DMD: variants seen among roughly 807,000 people sequenced by gnomAD.
DMD encodes the protein mutant dystrophin.
A neutral mutation model predicts 330.1 loss-of-function variants in DMD; 63 were observed. That is an observed-to-expected ratio of 0.19 (90% CI 0.16 to 0.24). DMD has a LOEUF of 0.24. Among genes scored for constraint, DMD ranks in the 10% least tolerant of loss-of-function variants. DMD has a pLI of 1.00. For missense variants in DMD, 3,344 were observed against 2,684.1 expected (o/e 1.25, Z -5.43); for synonymous variants, 1,223 against 959.8 (o/e 1.27, Z -5.07).
chrX:32,517,973 A>G, intron 18 of DMD, 35 bp downstream of exon 18: 1 of 1,201,742 alleles, frequency 8.3e-7, no homozygotes, highest in Non-Finnish European at 1.1e-6. Context: ...GCAGCACAAA[A>G]TGAGTACAGA....
At chrX:33,333,276 T>C (rs1400795089) in intron 1 of DMD, among the ~76,000 whole-genome samples, 2 of 111,629 alleles carry the variant, frequency 1.8e-5, no homozygotes, top group Non-Finnish European at 3.8e-5. Flanking sequence ...CATTCAGAGA[T>C]ATATTAAGAG....
rs201477815 is a variant in DMD at position 31,576,759 on chromosome X, G to GT, written c.8217+50913dup. 3.6e-3 allele frequency among the ~76,000 whole-genome samples: 374 copies of GT among 103,662 alleles called. 8 individuals are homozygous for GT. The highest frequency in any genetic ancestry group is 0.012 in the African/African-American group (357 of 29,253). 90.0% of individuals were successfully genotyped at this position (103,662 alleles called of 115,157 possible). ...TTTTCAAGTAAAAATATATGAGGTT[G>GT]TTTTTTTTTGACAGAGTCTCACTCT... On this transcript the variant is annotated intron_variant, in intron 55 of 78. Coordinates refer to ENST00000357033, the MANE Select transcript of DMD (RefSeq NM_004006.3).
intron 44 of DMD, chrX:32,206,462 C>G: frequency 3.7e-6 from 2 of 537,354 alleles, no homozygotes; most frequent in Admixed American, 2.3e-5. Flanking sequence ...ATACTCCAGC[C>G]AAAAATGCAC....
At chrX:32,201,474 C>G (rs1259942315) in intron 44 of DMD, among the ~76,000 whole-genome samples, 3 of 88,038 alleles carry the variant, frequency 3.4e-5, no homozygotes, top group African/African-American at 4.6e-5. Flanking sequence ...CAAACACCCC[C>G]CCCCCCCCCA....
chrX:31,839,240 G>T (rs2093266531), intron 48 of DMD, among the ~76,000 whole-genome samples: 1 of 112,002 alleles, frequency 8.9e-6, no homozygotes, highest in African/African-American at 3.2e-5. Flanking sequence ...CACATTATGT[G>T]TATATGTATA....
At chrX:32,736,737 AG>A (rs2068547311) in intron 7 of DMD, among the ~76,000 whole-genome samples, 1 of 88,342 alleles carries the variant, frequency 1.1e-5, no homozygotes, top group African/African-American at 4.4e-5. Context: ...GGACACAGGA[AG>A]GGGAACACCA....
At chrX:32,589,010 G>A (rs940428910) in intron 13 of DMD, among the ~76,000 whole-genome samples, 1 of 111,705 alleles carries the variant, frequency 9.0e-6, no homozygotes, top group African/African-American at 3.3e-5. Flanking sequence ...AAGATAATTA[G>A]AAGAAAATGG....
chrX:32,408,905 T>C (rs865814977), intron 30 of DMD, among the ~76,000 whole-genome samples: 98 of 104,855 alleles, frequency 9.3e-4, no homozygotes, highest in African/African-American at 3.3e-3. Flanking sequence ...TCTATCTATC[T>C]ATCTATCCAT....
chrX:32,268,245 C>T (rs1026297353), intron 43 of DMD, among the ~76,000 whole-genome samples: 4 of 111,474 alleles, frequency 3.6e-5, no homozygotes, highest in Non-Finnish European at 7.5e-5. Context: ...TGATGTCCTA[C>T]AGCCGGAAAC....
In DMD at chrX:33,100,489, C is replaced by T. The variant is rs368777650; in HGVS notation, c.32-80289G>A. The stretch of plus-strand genomic sequence containing the variant: ...GGTGGATCACCTGAGGCCAGGAGTT[C>T]GAGACCAGCCTGACCAAAATGGCGA... On this transcript the variant is annotated intron_variant, in intron 1 of 78. Coordinates refer to ENST00000357033, the MANE Select transcript of DMD (RefSeq NM_004006.3). Among the ~76,000 whole-genome samples, 50 of 110,956 alleles carry T rather than the reference C, an allele frequency of 4.5e-4. No homozygotes were observed. The South Asian group carries it at 8.4e-3, about 19-fold the overall frequency.
At chrX:31,833,273 G>GGAGAGAGAGAGAGAGAGAGAGAGA (rs1248049970) in intron 49 of DMD, among the ~76,000 whole-genome samples, 2 of 49,857 alleles carry the variant, frequency 4.0e-5, no homozygotes, top group Non-Finnish European at 6.4e-5. Flanking sequence ...GGAGGAAGGG[G>GGAGAGAGAGAGAGAGAGAGAGAGA]GAGAGAGAGA....
At chrX:32,504,165 C>T (rs777632400) in intron 18 of DMD, among the ~76,000 whole-genome samples, 87 of 112,324 alleles carry the variant, frequency 7.7e-4, no homozygotes, top group Non-Finnish European at 1.4e-3. Context: ...TTACACCCTT[C>T]TTTTGTTTTA....
intron 52 of DMD, among the ~76,000 whole-genome samples, chrX:31,698,520 A>T (rs2083589451): frequency 8.9e-6 from 1 of 112,107 alleles, no homozygotes; most frequent in South Asian, 3.7e-4. Flanking sequence ...AACTGAGGAA[A>T]GTCCAAATAA....
At chrX:32,079,262 TG>T (rs2096374485) in intron 44 of DMD, among the ~76,000 whole-genome samples, 2 of 111,983 alleles carry the variant, frequency 1.8e-5, no homozygotes, top group Non-Finnish European at 3.8e-5. Context: ...GGCCCCTTCT[TG>T]TCATTCAGAT....
At chrX:32,599,220 A>T (rs991714138) in intron 12 of DMD, among the ~76,000 whole-genome samples, 1 of 111,698 alleles carries the variant, frequency 9.0e-6, no homozygotes, top group African/African-American at 3.3e-5. Context: ...AATCTCCTTA[A>T]TATCAGCAAA....
intron 50 of DMD, among the ~76,000 whole-genome samples, chrX:31,811,341 C>T (rs1297161913): frequency 8.9e-6 from 1 of 112,079 alleles, no homozygotes; most frequent in Non-Finnish European, 1.9e-5. Flanking sequence ...GGACCCCCTA[C>T]TGCCTTCATG....
At chrX:32,200,888 G>A (rs1037457061) in intron 44 of DMD, among the ~76,000 whole-genome samples, 5 of 111,349 alleles carry the variant, frequency 4.5e-5, no homozygotes, top group Non-Finnish European at 9.4e-5. Context: ...ACCTCACATT[G>A]TGATTTTTAT....
intron 2 of DMD, among the ~76,000 whole-genome samples, chrX:33,010,142 G>A (rs1442792584): frequency 3.0e-5 from 3 of 100,404 alleles, no homozygotes; most frequent in Non-Finnish European, 6.0e-5. Context: ...GTATATATAC[G>A]TGTATATATA....
At chrX:31,261,275 A>C in intron 62 of DMD, 1 of 340,926 alleles carries the variant, frequency 2.9e-6, no homozygotes, top group Non-Finnish European at 5.2e-6. Flanking sequence ...GCACCCACAA[A>C]TCGATCGCAC....
Sources: gnomAD v4.1 joint callset for allele counts (sites outside exome capture counted in the v4.1 genomes callset) on GRCh38, gnomAD v4.1.1 for gene constraint, MANE v1.5 for transcripts, NCBI Gene and HGNC (gene_info 2026-07-23, HGNC 2026-07-21) for gene names.